Variants in SORCS1 observed in about 807,000 individuals in gnomAD.
The protein encoded by SORCS1 is VPS10 domain-containing receptor SorCS1.
A neutral mutation model predicts 146.1 loss-of-function variants in SORCS1; 60 were observed. The ratio of observed to expected loss-of-function variants is 0.41; its 90% CI spans 0.33 to 0.51. The LOEUF is 0.51. SORCS1 is among the 20% of genes least tolerant of loss of function. The pLI, the probability that SORCS1 is intolerant of heterozygous loss-of-function variation, is 0.21. For missense variants in SORCS1, 1,352 were observed against 1,487.6 expected (o/e 0.91, Z 1.50); for synonymous variants, 637 against 584.0 (o/e 1.09, Z -1.31).
chr10:107,051,812 C>T (rs985895165), intron 1 of SORCS1, among the ~76,000 whole-genome samples: 3 of 152,156 alleles, frequency 2.0e-5, no homozygotes, highest in South Asian at 2.1e-4. Flanking sequence ...CACGCTAATT[C>T]ATGAAAGGGC....
At chr10:106,850,172 C>T (rs1949495518) in intron 2 of SORCS1, among the ~76,000 whole-genome samples, 1 of 151,732 alleles carries the variant, frequency 6.6e-6, no homozygotes, top group Admixed American at 6.6e-5. Context: ...ATGGCGGGCG[C>T]CCCTCCCCCA....
intron 1 of SORCS1, among the ~76,000 whole-genome samples, chr10:106,957,155 G>GTT (rs373309411): frequency 0.051 from 6,980 of 136,320 alleles, 487 homozygotes; most frequent in East Asian, 0.28. Context: ...TTAGCATGTG[G>GTT]TTTTTTTTTG....
chr10:106,691,688 C>T (rs1201924255), intron 9 of SORCS1, among the ~76,000 whole-genome samples: 1 of 152,120 alleles, frequency 6.6e-6, no homozygotes, highest in Non-Finnish European at 1.5e-5. Context: ...TGATGTGCCT[C>T]TACCTATTCA....
At chr10:106,868,459 C>T (rs1337643626) in intron 2 of SORCS1, among the ~76,000 whole-genome samples, 1 of 152,062 alleles carries the variant, frequency 6.6e-6, no homozygotes, top group East Asian at 1.9e-4. Flanking sequence ...TAAAACAATC[C>T]CTGGCAAATG....
chr10:106,663,836 T>C (rs1161351448), intron 17 of SORCS1, among the ~76,000 whole-genome samples: 1 of 152,208 alleles, frequency 6.6e-6, no homozygotes, highest in Non-Finnish European at 1.5e-5. Flanking sequence ...AACATGCTGA[T>C]CAGTGGGGTT....
chr10:106,933,581 T>A (rs1313352454), intron 2 of SORCS1, among the ~76,000 whole-genome samples: 1 of 152,232 alleles, frequency 6.6e-6, no homozygotes, highest in African/African-American at 2.4e-5. Context: ...ACACTTACTC[T>A]CAAGGAGTCC....
At chr10:106,649,246 G>C (rs142468579) in intron 18 of SORCS1, among the ~76,000 whole-genome samples, 98 of 152,256 alleles carry the variant, frequency 6.4e-4, no homozygotes, top group Non-Finnish European at 1.1e-3. Flanking sequence ...AAAACAGAAA[G>C]AGCACATGGT....
intron 2 of SORCS1, among the ~76,000 whole-genome samples, chr10:106,941,576 C>T (rs914306868): frequency 6.6e-6 from 1 of 152,182 alleles, no homozygotes; most frequent in Admixed American, 6.5e-5. Context: ...ACACACAATA[C>T]CCTTCCTTTA....
intron 2 of SORCS1, among the ~76,000 whole-genome samples, chr10:106,862,925 G>A (rs1348583796): frequency 1.3e-5 from 2 of 151,646 alleles, no homozygotes; most frequent in African/African-American, 4.8e-5. Flanking sequence ...CTCATGGTAA[G>A]ATATTTCTTA....
intron 1 of SORCS1, among the ~76,000 whole-genome samples, chr10:107,142,973 C>T (rs1967970033): frequency 6.6e-6 from 1 of 152,200 alleles, no homozygotes; most frequent in African/African-American, 2.4e-5. Flanking sequence ...GTTATACCTC[C>T]AGAAGCAAAG....
At chr10:106,577,934 T>A (rs1353866580) in intron 25 of SORCS1, 1 of 170,362 alleles carries the variant, frequency 5.9e-6, no homozygotes, top group Non-Finnish European at 1.3e-5. Context: ...TAGGAGCCAG[T>A]CACTGCATTT....
intron 1 of SORCS1, among the ~76,000 whole-genome samples, chr10:106,990,071 T>C (rs1414959188): frequency 6.6e-6 from 1 of 152,154 alleles, no homozygotes; most frequent in Non-Finnish European, 1.5e-5. Flanking sequence ...AAGGGCCACC[T>C]TGGAAACATT....
chr10:106,587,521 C>T (rs190388105), intron 24 of SORCS1, among the ~76,000 whole-genome samples: 1 of 152,354 alleles, frequency 6.6e-6, no homozygotes, highest in East Asian at 1.9e-4. Flanking sequence ...GTGCAGAATT[C>T]ATGATGTATC....
intron 1 of SORCS1, among the ~76,000 whole-genome samples, chr10:106,983,349 T>C (rs1956321298): frequency 6.6e-6 from 1 of 151,380 alleles, no homozygotes; most frequent in South Asian, 2.1e-4. Flanking sequence ...ACTGATAATA[T>C]TCTGATATAT....
At chr10:106,827,206 C>CT (rs71025560) in intron 3 of SORCS1, among the ~76,000 whole-genome samples, 125,070 of 135,936 alleles carry the variant, frequency 0.92, 57,613 homozygotes, top group Non-Finnish European at 0.95. Context: ...TATTTGGCAT[C>CT]TTTTTTTTTT....
chr10:106,885,862 T>C (rs944874946), intron 2 of SORCS1, among the ~76,000 whole-genome samples: 2 of 152,178 alleles, frequency 1.3e-5, no homozygotes, highest in Admixed American at 1.3e-4. Context: ...AAATGCCTTT[T>C]GCTTGGCTCT....
chr10:106,637,904 T>G (rs1386930063), intron 18 of SORCS1, among the ~76,000 whole-genome samples: 1 of 152,234 alleles, frequency 6.6e-6, no homozygotes, highest in Admixed American at 6.5e-5. Flanking sequence ...TGTATTTGAC[T>G]GAATCCCAAA....
chr10:106,811,422 T>C (rs1332665530), intron 3 of SORCS1, among the ~76,000 whole-genome samples: 1 of 152,172 alleles, frequency 6.6e-6, no homozygotes, highest in Non-Finnish European at 1.5e-5. Context: ...TAGTACTTGG[T>C]CTACGTGCAG....
intron 18 of SORCS1, among the ~76,000 whole-genome samples, chr10:106,647,745 T>C (rs911969619): frequency 6.6e-6 from 1 of 152,228 alleles, no homozygotes; most frequent in Non-Finnish European, 1.5e-5. Flanking sequence ...GGTATGACTT[T>C]TTTCACAATG....
Sources: gnomAD v4.1 joint callset for allele counts (sites outside exome capture counted in the v4.1 genomes callset) on GRCh38, gnomAD v4.1.1 for gene constraint, MANE v1.5 for transcripts, NCBI Gene and HGNC (gene_info 2026-07-23, HGNC 2026-07-21) for gene names.